PLEK: variants seen among roughly 807,000 people sequenced by gnomAD.
The protein encoded by PLEK is platelet 47 kDa protein.
In PLEK, 25 loss-of-function variants were observed where a neutral mutation model predicts 43.9. The ratio of observed to expected loss-of-function variants is 0.57; its 90% CI spans 0.41 to 0.79. The LOEUF is 0.79. Ranked by LOEUF, PLEK falls within the 30% of genes least tolerant of loss-of-function variation. The pLI is 0.00. For missense variants in PLEK, 396 were observed against 413.3 expected, an observed-to-expected ratio of 0.96 and a Z score of 0.36; for synonymous variants, 152 against 144.4, an observed-to-expected ratio of 1.05 and a Z score of -0.38.
At chr2:68,367,190 C>T (rs1343257410) in intron 1 of PLEK, among the ~76,000 whole-genome samples, 1 of 151,860 alleles carries the variant, frequency 6.6e-6, no homozygotes, top group African/African-American at 2.4e-5. Context: ...GTTACATCTT[C>T]CATAATTACT....
Position 68,395,822 on chromosome 2 carries a change from C to A in PLEK, c.*6C>A, listed in dbSNP as rs773503986. ...CCTCCCGAACTGGGAAGTAAAGAGA[C>A]TCCTGCATTCCTCCTCCCCTCCTGA... On this transcript the variant is annotated 3_prime_UTR_variant, in exon 9 of 9. Transcript: ENST00000234313. 3 of 1,610,608 alleles carry A rather than the reference C, an allele frequency of 1.9e-6. No individual in the cohort carries two copies. The highest frequency in any genetic ancestry group is 2.7e-5 in the African/African-American group (2 of 74,960).
chr2:68,387,906 C>T (rs1177270263), intron 5 of PLEK: 1 of 153,298 alleles, frequency 6.5e-6, no homozygotes. Context: ...GAGCAAGTCC[C>T]ACTTCCCTCA....
intron 7 of PLEK, among the ~76,000 whole-genome samples, chr2:68,393,823 C>G (rs918220183): frequency 1.3e-5 from 2 of 152,146 alleles, no homozygotes; most frequent in African/African-American, 4.8e-5. Context: ...TAGTGGGATA[C>G]AGTGACCTCA....
chr2:68,369,122 G>C (rs1053893454), intron 1 of PLEK, among the ~76,000 whole-genome samples: 3 of 152,220 alleles, frequency 2.0e-5, no homozygotes, highest in Admixed American at 6.5e-5. Flanking sequence ...AACGCATGTG[G>C]TGTTTACCCT....
chr2:68,370,947 C>T (rs557058958), intron 1 of PLEK, among the ~76,000 whole-genome samples: 52 of 152,144 alleles, frequency 3.4e-4, no homozygotes, highest in Admixed American at 9.8e-4. Flanking sequence ...GTAATTTCAA[C>T]GGGGGTAGTC....
At chr2:68,380,952 C>T in intron 3 of PLEK, 48 bp downstream of exon 3, 2 of 1,509,278 alleles carry the variant, frequency 1.3e-6, no homozygotes, top group Non-Finnish European at 1.8e-6. Context: ...CTGAAAGACA[C>T]AAACATAGCA....
intron 8 of PLEK, among the ~76,000 whole-genome samples, chr2:68,394,709 TGAG>T (rs1197271335): frequency 6.6e-6 from 1 of 152,152 alleles, no homozygotes; most frequent in Admixed American, 6.5e-5. Context: ...TCACAATGGC[TGAG>T]AAGAAGAGCA....
At chr2:68,382,864 G>T (rs535429567) in intron 4 of PLEK, among the ~76,000 whole-genome samples, 1 of 152,152 alleles carries the variant, frequency 6.6e-6, no homozygotes, top group Non-Finnish European at 1.5e-5. Flanking sequence ...ATTTGTTCAA[G>T]CTAACGTTCC....
At position 68,389,322 on chromosome 2, in the gene PLEK, C is replaced by T. The variant is rs115353762; in HGVS notation, c.762+831C>T. Among the ~76,000 whole-genome samples, 578 of 152,346 alleles carry T rather than the reference C, an allele frequency of 3.8e-3. 2 individuals carry two copies. Among genetic ancestry groups the T allele is most frequent in the African/African-American group, 0.013 (559 of 41,586 alleles). On this transcript the variant is annotated intron_variant, in intron 6 of 8. Coordinates refer to ENST00000234313, the MANE Select transcript of PLEK (RefSeq NM_002664.3). ...CTTTGCAGGACCAAGGTCTTGCCTT[C>T]CTGGCTGCACTGTGAGCTGCCTTAA...
chr2:68,381,078 C>A (rs1174250221), intron 3 of PLEK, among the ~76,000 whole-genome samples, 174 bp downstream of exon 3: 1 of 151,978 alleles, frequency 6.6e-6, no homozygotes, highest in African/African-American at 2.4e-5. Flanking sequence ...TGATCCAAGG[C>A]CTACTAGCTG....
intron 6 of PLEK, among the ~76,000 whole-genome samples, chr2:68,391,354 T>A (rs963867050): frequency 1.1e-4 from 17 of 152,202 alleles, no homozygotes; most frequent in Non-Finnish European, 1.3e-4. Context: ...CAGCATGACA[T>A]GTGTGTCTGT....
chr2:68,396,762 A>C lies in PLEK; in HGVS notation c.*946A>C, dbSNP rs1472349628. ...CCCCCCATGGGTGAGAGGCCTGGGC[A>C]ACTGCCTGGTGAATGTGTCTTGCGG... is the stretch of plus-strand genomic sequence containing the variant. On this transcript the variant is annotated 3_prime_UTR_variant, in exon 9 of 9. Coordinates refer to ENST00000234313, the MANE Select transcript of PLEK (RefSeq NM_002664.3). 6.6e-6 allele frequency: 1 copy of C among 152,238 alleles called. No homozygotes were observed. Among genetic ancestry groups the C allele is most frequent in the Non-Finnish European group, 1.5e-5 (1 of 68,090 alleles). The allele number at this position is 152,238 out of a possible 1,614,324, so 9.4% of individuals were successfully genotyped here.
chr2:68,389,367 A>C (rs1348026993), intron 6 of PLEK, among the ~76,000 whole-genome samples: 8 of 152,224 alleles, frequency 5.3e-5, no homozygotes. Flanking sequence ...TCAGTATATA[A>C]TGGAGAGAAT....
chr2:68,381,797 A>G (rs559669852), intron 3 of PLEK, among the ~76,000 whole-genome samples: 149 of 152,304 alleles, frequency 9.8e-4, no homozygotes, highest in South Asian at 2.5e-3. Context: ...CCTTCACCAC[A>G]AAAGCTTTTT....
In PLEK at chr2:68,383,871, C is replaced by A. The variant is rs373583707; in HGVS notation, c.472+1238C>A. On this transcript the variant is annotated intron_variant, in intron 4 of 8. Coordinates refer to ENST00000234313, the MANE Select transcript of PLEK (RefSeq NM_002664.3). ...CTTTGATCACTGACGATGAGATAGT[C>A]CCCCGTGGGAATAAGCCTCAGAGTC... Among the ~76,000 whole-genome samples, 14 of 152,268 alleles carry A rather than the reference C, an allele frequency of 9.2e-5. 1 individual carries two copies. Among genetic ancestry groups the A allele is most frequent in the African/African-American group, 3.1e-4 (13 of 41,540 alleles).
At chr2:68,375,890 G>C (rs906365383) in intron 1 of PLEK, among the ~76,000 whole-genome samples, 2 of 152,212 alleles carry the variant, frequency 1.3e-5, no homozygotes, top group Non-Finnish European at 1.5e-5. Flanking sequence ...TAAAGGGGCA[G>C]CTGGCATGAA....
intron 1 of PLEK, among the ~76,000 whole-genome samples, chr2:68,374,189 A>G (rs375343277): frequency 1.1e-4 from 16 of 152,214 alleles, no homozygotes; most frequent in East Asian, 1.9e-4. Flanking sequence ...TTCAACATAC[A>G]TCTTCCAAGA....
At chr2:68,391,645 A>T (rs894366853) in intron 6 of PLEK, among the ~76,000 whole-genome samples, 1 of 152,218 alleles carries the variant, frequency 6.6e-6, no homozygotes, top group African/African-American at 2.4e-5. Context: ...GCTTCCTTGA[A>T]GCACCTCTGG....
chr2:68,376,923 C>G (rs1038838772), intron 1 of PLEK, among the ~76,000 whole-genome samples: 2 of 152,172 alleles, frequency 1.3e-5, no homozygotes, highest in African/African-American at 4.8e-5. Context: ...CAGTCCCCCA[C>G]TTCCCTTCCT....
Sources: allele counts gnomAD v4.1 joint callset (sites outside exome capture counted in the v4.1 genomes callset), GRCh38; gene constraint gnomAD v4.1.1; transcripts MANE v1.5; gene names NCBI Gene and HGNC (gene_info 2026-07-23, HGNC 2026-07-21).